The following SOCS7 variants were observed in gnomAD, a reference collection of about 807,000 sequenced individuals.
SOCS7 encodes suppressor of cytokine signaling 7.
In SOCS7, 18 loss-of-function variants were observed where a neutral mutation model predicts 58.9. That is an observed-to-expected ratio of 0.31 (90% CI 0.21 to 0.45). The LOEUF is 0.45. SOCS7 is among the 20% of genes least tolerant of loss of function. The pLI is 1.00. For synonymous variants in SOCS7, 388 were observed against 364.3 expected, an observed-to-expected ratio of 1.06 and a Z score of -0.74; for missense variants, 667 against 837.3, an observed-to-expected ratio of 0.80 and a Z score of 2.51.
chr17:38,381,043 C>T (rs563257253), intron 7 of SOCS7, among the ~76,000 whole-genome samples: 3 of 152,110 alleles, frequency 2.0e-5, no homozygotes, highest in South Asian at 2.1e-4. Context: ...TATTTCCCAC[C>T]GGTCTGTTAT....
chr17:38,387,153 G>GTATGTATATATATATAT (rs2038086241), intron 7 of SOCS7, among the ~76,000 whole-genome samples: 1 of 92,288 alleles, frequency 1.1e-5, no homozygotes, highest in African/African-American at 5.0e-5. Flanking sequence ...ATATATATAT[G>GTATGTATATATATATAT]ATTAATTCAG....
chr17:38,395,774 T>G, intron 8 of SOCS7, 74 bp from the exon 9 acceptor site: 1 of 1,461,418 alleles, frequency 6.8e-7, no homozygotes, highest in Admixed American at 1.9e-5. Context: ...TGAAGAAGAG[T>G]TGAACAAAGG....
At chr17:38,394,820 C>T (rs779203120) in intron 7 of SOCS7, among the ~76,000 whole-genome samples, 34 of 152,200 alleles carry the variant, frequency 2.2e-4, no homozygotes, top group Non-Finnish European at 3.5e-4. Context: ...GAGGCTGAGG[C>T]GAGTGGATTG....
At position 38,404,792 on chromosome 17, in the gene SOCS7, G is replaced by T. The variant is rs753116104; in HGVS notation, c.*5310G>T. 1 of 152,394 alleles carries T rather than the reference G, an allele frequency of 6.6e-6. No homozygotes were observed. The highest frequency in any genetic ancestry group is 2.1e-4 in the South Asian group (1 of 4,832). The allele number at this position is 152,394 out of a possible 1,614,324, so 9.4% of individuals were successfully genotyped here. On this transcript the variant is annotated 3_prime_UTR_variant, in exon 10 of 10. Transcript: ENST00000612932. ...CCATCTCTGGTGCTCCCTTGGGCGGGGACCTGTCCCTCACTCTTAGGCCCA... is the reference window on the plus strand; with the variant it reads ...CCATCTCTGGTGCTCCCTTGGGCGGTGACCTGTCCCTCACTCTTAGGCCCA...
chr17:38,359,035 C>T (rs2037679193), intron 1 of SOCS7, among the ~76,000 whole-genome samples: 1 of 152,208 alleles, frequency 6.6e-6, no homozygotes, highest in Non-Finnish European at 1.5e-5. Context: ...AGTAATGCAG[C>T]TTCCTTTGAA....
chr17:38,403,982 G>T lies in SOCS7; in HGVS notation c.*4500G>T, dbSNP rs1307106099. 1.4e-5 allele frequency: 2 copies of T among 146,516 alleles called. No homozygotes were observed. Among genetic ancestry groups the T allele is most frequent in the Non-Finnish European group, 3.0e-5 (2 of 66,334 alleles). 9.1% of individuals were successfully genotyped at this position (146,516 alleles called of 1,614,324 possible). A position where few individuals can be genotyped will look rare whatever the true frequency, so the allele number is the denominator to read the frequency against. On this transcript the variant is annotated 3_prime_UTR_variant, in exon 10 of 10. Transcript: ENST00000612932. ...ACCTTTTTTATTAAAAAAAGAAAAA[G>T]AAAAAAAAAAGAAAGAAAAGTGTGC...
chr17:38,387,133 G>GTGTATGTGTATATATA (rs1269515665), intron 7 of SOCS7, among the ~76,000 whole-genome samples: 9 of 73,486 alleles, frequency 1.2e-4, no homozygotes, highest in Non-Finnish European at 1.7e-4. Context: ...ATATATGTAT[G>GTGTATGTGTATATATA]TATATATATA....
chr17:38,375,914 G>A (rs1324214860), intron 6 of SOCS7: 2 of 151,794 alleles, frequency 1.3e-5, no homozygotes, highest in African/African-American at 4.8e-5. Context: ...CTACCTCCTG[G>A]GTTCAAGCAA....
intron 1 of SOCS7, among the ~76,000 whole-genome samples, 157 bp downstream of exon 1, chr17:38,353,189 C>A (rs1391876575): frequency 3.9e-5 from 6 of 152,234 alleles, no homozygotes; most frequent in African/African-American, 1.4e-4. Flanking sequence ...ATAAGGTCAG[C>A]GCTAATTGTG....
At chr17:38,377,606 C>A in intron 6 of SOCS7, 108 bp from the exon 7 acceptor site, 1 of 1,048,522 alleles carries the variant, frequency 9.5e-7, no homozygotes, top group African/African-American at 1.6e-5. Context: ...CAGCTTGCCC[C>A]CAAACTGCCC....
intron 6 of SOCS7, among the ~76,000 whole-genome samples, chr17:38,370,405 T>C (rs1305087068): frequency 6.6e-6 from 1 of 152,086 alleles, no homozygotes; most frequent in Non-Finnish European, 1.5e-5. Flanking sequence ...AGTGGTGAGA[T>C]CATGCCTCGT....
intron 6 of SOCS7, among the ~76,000 whole-genome samples, chr17:38,372,963 G>T (rs570264199): frequency 2.0e-5 from 3 of 152,038 alleles, no homozygotes; most frequent in Admixed American, 2.0e-4. Flanking sequence ...AAAATTAGCC[G>T]TGTGTGGTGG....
chr17:38,395,699 A>G, intron 8 of SOCS7, 149 bp from the exon 9 acceptor site: 1 of 894,008 alleles, frequency 1.1e-6, no homozygotes, highest in South Asian at 1.6e-5. Context: ...TGGTAAGAGT[A>G]AGGAAGACAG....
intron 8 of SOCS7, 94 bp downstream of exon 8, chr17:38,395,538 C>T (rs772927812): frequency 7.0e-5 from 88 of 1,253,950 alleles, no homozygotes; most frequent in Non-Finnish European, 9.7e-5. Flanking sequence ...CCTTCACAGG[C>T]AGAGTCTGGC....
chr17:38,362,987 C>T (rs773419010), intron 2 of SOCS7, among the ~76,000 whole-genome samples: 24 of 152,006 alleles, frequency 1.6e-4, no homozygotes, highest in Non-Finnish European at 2.6e-4. Flanking sequence ...TGGTGCCGCA[C>T]GCCTGTAGTC....
intron 7 of SOCS7, among the ~76,000 whole-genome samples, chr17:38,394,613 T>C (rs1015989032): frequency 6.6e-6 from 1 of 152,160 alleles, no homozygotes; most frequent in African/African-American, 2.4e-5. Flanking sequence ...GCCCAACAAG[T>C]ATCTCCCATT....
At chr17:38,389,906 TAGAGAG>T (rs772399580) in intron 7 of SOCS7, among the ~76,000 whole-genome samples, 4 of 103,480 alleles carry the variant, frequency 3.9e-5, no homozygotes, top group Non-Finnish European at 7.3e-5. Context: ...TATACACATA[TAGAGAG>T]AGAGAGAGAG....
At chr17:38,362,310 A>G (rs1231784016) in intron 2 of SOCS7, among the ~76,000 whole-genome samples, 2 of 152,214 alleles carry the variant, frequency 1.3e-5, no homozygotes, top group African/African-American at 4.8e-5. Flanking sequence ...GCCCTCTTGC[A>G]GCAGGGAACA....
Position 38,358,726 on chromosome 17 carries a change from A to T in SOCS7, c.981-2985A>T, listed in dbSNP as rs145076068. 5.8e-4 allele frequency among the ~76,000 whole-genome samples: 89 copies of T among 152,224 alleles called. No individual in the cohort carries two copies. The East Asian group carries it at 9.5e-3, about 16-fold the overall frequency. ...AAGAGAGAAAGAAGCATGCATATTT[A>T]TTAGTAGCCTTTTAGCCTCCTAGAC... On this transcript the variant is annotated intron_variant, in intron 1 of 9. Coordinates refer to ENST00000612932, the MANE Select transcript of SOCS7 (RefSeq NM_014598.4).
Sources: gnomAD v4.1 joint callset for allele counts (sites outside exome capture counted in the v4.1 genomes callset) on GRCh38, gnomAD v4.1.1 for gene constraint, MANE v1.5 for transcripts, NCBI Gene and HGNC (gene_info 2026-07-23, HGNC 2026-07-21) for gene names.